ZNF83: variants seen among roughly 807,000 people sequenced by gnomAD.
The protein encoded by ZNF83 is zinc finger protein 816B.
For missense variants in ZNF83, 552 were observed against 629.9 expected (o/e 0.88, Z 1.32); for synonymous variants, 209 against 213.0 (o/e 0.98, Z 0.17).
chr19:52,644,692 C>G (rs2061350437), intron 3 of ZNF83, among the ~76,000 whole-genome samples: 1 of 152,112 alleles, frequency 6.6e-6, no homozygotes, highest in African/African-American at 2.4e-5. Flanking sequence ...AGCTGTAGAA[C>G]TAAGACATGA....
At chr19:52,642,261 C>CTTTTT (rs869173970), upstream of ZNF83, among the ~76,000 whole-genome samples, 5 of 47,864 alleles carry the variant, frequency 1.0e-4, no homozygotes, top group African/African-American at 3.2e-4. Context: ...AGTATTGTAG[C>CTTTTT]TTTTTTTTTT....
intron 1 of ZNF83, among the ~76,000 whole-genome samples, chr19:52,677,492 A>G (rs910361683): frequency 2.0e-5 from 3 of 151,614 alleles, no homozygotes; most frequent in Non-Finnish European, 2.9e-5. Flanking sequence ...TCTCAAAAAG[A>G]AAAAAAGAAA....
At chr19:52,622,645 A>C (rs2060590585) in intron 2 of ZNF83, among the ~76,000 whole-genome samples, 1 of 151,180 alleles carries the variant, frequency 6.6e-6, no homozygotes. Flanking sequence ...ACCCAAGGTA[A>C]AGATGAAAAC....
At chr19:52,627,055 G>A (rs941312054) in intron 2 of ZNF83, among the ~76,000 whole-genome samples, 4 of 151,812 alleles carry the variant, frequency 2.6e-5, no homozygotes, top group Non-Finnish European at 2.9e-5. Flanking sequence ...CTGATCGATC[G>A]ACCTTGAGAA....
At chr19:52,630,788 T>G (rs992637736) in intron 2 of ZNF83, among the ~76,000 whole-genome samples, 385 of 152,188 alleles carry the variant, frequency 2.5e-3, no homozygotes, top group Non-Finnish European at 4.2e-3. Flanking sequence ...GCTTTAAAAA[T>G]ATTAAAGCCT....
chr19:52,685,300 C>G (rs2061995879), intron 1 of ZNF83, among the ~76,000 whole-genome samples: 1 of 152,072 alleles, frequency 6.6e-6, no homozygotes, highest in Admixed American at 6.6e-5. Flanking sequence ...CTGAGAAGAT[C>G]TGAGATGAGT....
intron 1 of ZNF83, among the ~76,000 whole-genome samples, chr19:52,673,933 T>C (rs1234961009): frequency 6.8e-6 from 1 of 147,958 alleles, no homozygotes; most frequent in Non-Finnish European, 1.5e-5. Flanking sequence ...GGAGAATTGG[T>C]TGAAGCTGAG....
chr19:52,652,038 C>A, intron 3 of ZNF83: 1 of 231,480 alleles, frequency 4.3e-6, no homozygotes, highest in South Asian at 6.7e-5. Context: ...TTCTACTGTT[C>A]TGCAAGGAGT....
At chr19:52,669,277 A>G (rs2061692704) in intron 1 of ZNF83, among the ~76,000 whole-genome samples, 1 of 152,218 alleles carries the variant, frequency 6.6e-6, no homozygotes, top group Non-Finnish European at 1.5e-5. Flanking sequence ...ACGTCTATTT[A>G]GACACAATTA....
chr19:52,689,952 A>G (rs2062120216), intron 1 of ZNF83, among the ~76,000 whole-genome samples: 1 of 152,150 alleles, frequency 6.6e-6, no homozygotes. Flanking sequence ...GGGGAGCAGC[A>G]GGGCCCGGCA....
At chr19:52,622,834 T>C (rs1394597591) in intron 2 of ZNF83, among the ~76,000 whole-genome samples, 1 of 152,176 alleles carries the variant, frequency 6.6e-6, no homozygotes, top group Non-Finnish European at 1.5e-5. Context: ...CAGGAATTAA[T>C]CAACCTCACC....
At chr19:52,688,950 GAAAAAAAA>G (rs56247444) in intron 1 of ZNF83, among the ~76,000 whole-genome samples, 83 of 126,794 alleles carry the variant, frequency 6.5e-4, no homozygotes, top group Middle Eastern at 3.9e-3. Flanking sequence ...AAGGTTGAAG[GAAAAAAAA>G]AAAAAAAAAA....
chr19:52,621,377 C>CAGAGG (rs1032502651), intron 2 of ZNF83, among the ~76,000 whole-genome samples: 2 of 152,220 alleles, frequency 1.3e-5, no homozygotes, highest in Non-Finnish European at 2.9e-5. Context: ...CTGGTAGAGA[C>CAGAGG]AGAGGAGACA....
intron 2 of ZNF83, among the ~76,000 whole-genome samples, chr19:52,620,601 A>T (rs1423281862): frequency 6.6e-6 from 1 of 152,214 alleles, no homozygotes; most frequent in Non-Finnish European, 1.5e-5. Context: ...ATATGAGAAC[A>T]TGTTAATTTT....
intron 1 of ZNF83, among the ~76,000 whole-genome samples, chr19:52,680,306 T>C (rs1342193831): frequency 1.3e-5 from 2 of 152,150 alleles, no homozygotes; most frequent in African/African-American, 4.8e-5. Flanking sequence ...CCACAGACTC[T>C]AGGTACCTGT....
chr19:52,613,975 C>A, exon 3 of ZNF83: 3 of 1,613,400 alleles, frequency 1.9e-6, no homozygotes, highest in East Asian at 2.2e-5. Flanking sequence ...GGTATGAATT[C>A]TTTGATGTTG....
intron 1 of ZNF83, among the ~76,000 whole-genome samples, chr19:52,676,512 C>T (rs55901712): frequency 0.34 from 51,844 of 150,618 alleles, 9,838 homozygotes; most frequent in East Asian, 0.51. Context: ...GGGGGGCAGC[C>T]CCCGCCCGGC....
At chr19:52,665,892 G>A (rs2061643509) in intron 1 of ZNF83, among the ~76,000 whole-genome samples, 3 of 152,040 alleles carry the variant, frequency 2.0e-5, no homozygotes, top group Non-Finnish European at 2.9e-5. Context: ...CATGTGCGGT[G>A]GCTCACACCT....
chr19:52,648,173 G>C (rs1433909859), intron 3 of ZNF83, among the ~76,000 whole-genome samples: 1 of 126,330 alleles, frequency 7.9e-6, no homozygotes. Context: ...TTTCACTTTT[G>C]TCACCTCTTG....
Sources: gnomAD v4.1 joint callset for allele counts (sites outside exome capture counted in the v4.1 genomes callset) on GRCh38, gnomAD v4.1.1 for gene constraint, MANE v1.5 for transcripts, NCBI Gene and HGNC (gene_info 2026-07-23, HGNC 2026-07-21) for gene names.